The following FANCA variants were observed in gnomAD, a reference collection of about 807,000 sequenced individuals.
The protein encoded by FANCA is Fanconi anemia group A protein.
In FANCA, 236 loss-of-function variants were observed where a neutral mutation model predicts 194.3. The ratio of observed to expected loss-of-function variants is 1.21; its 90% CI spans 1.09 to 1.35. The LOEUF (loss-of-function observed/expected upper bound fraction) is 1.35. Among genes scored for constraint, FANCA ranks in the 40% most tolerant of loss-of-function variants. FANCA has a pLI of 0.00. For missense variants in FANCA, 2,628 were observed against 1,813.9 expected, an observed-to-expected ratio of 1.45 and a Z score of -8.15; for synonymous variants, 1,014 against 715.8, an observed-to-expected ratio of 1.42 and a Z score of -6.65.
intron 24 of FANCA, 72 bp downstream of exon 24, chr16:89,770,492 C>G: frequency 3.5e-6 from 5 of 1,410,164 alleles, no homozygotes; most frequent in Non-Finnish European, 4.9e-6. Flanking sequence ...AGTCCCTGGT[C>G]TGCAGACTTG....
Position 89,778,824 on chromosome 16 carries a change from C to T in FANCA, c.1803G>A (p.Val601=), listed in dbSNP as rs757053400. ...RVLPKVPDSR[V]AFIESLKRAD... is the part of the protein sequence containing the mutation. ...ACCTCTTCAGAGACTCTATAAACGC[C>T]ACACGGGAGTCAGGGACTTTGGGGA... The change falls in exon 20 of 43, where the codon GTG becomes GTA. Residue 601 remains valine, a synonymous_variant. Transcript: ENST00000389301. 1.6e-5 allele frequency: 26 copies of T among 1,613,886 alleles called. No individual in the cohort carries two copies. The highest frequency in any genetic ancestry group is 6.7e-5 in the Admixed American group (4 of 59,954).
chr16:89,742,532 G>C (rs1211958890), intron 37 of FANCA, among the ~76,000 whole-genome samples: 1 of 151,972 alleles, frequency 6.6e-6, no homozygotes, highest in Non-Finnish European at 1.5e-5. Context: ...CAAGCCAGCT[G>C]GGCGTGGTGG....
rs762137538 is a variant in FANCA at position 89,737,679 on chromosome 16, G to T, written c.*922C>A. 18 of 1,533,918 alleles carry T rather than the reference G, an allele frequency of 1.2e-5. No individual in the cohort carries two copies. Among genetic ancestry groups the T allele is most frequent in the Non-Finnish European group, 1.5e-5 (17 of 1,139,848 alleles). The stretch of plus-strand genomic sequence containing the variant: ...GAGGCCCTCATAGGCCCCTTGCTTG[G>T]GCCCACTGCATGGTGAACCATGTGC... On this transcript the variant is annotated 3_prime_UTR_variant, in exon 43 of 43. Coordinates refer to ENST00000389301, the MANE Select transcript of FANCA (RefSeq NM_000135.4).
At chr16:89,777,928 G>A (rs551298630) in intron 20 of FANCA, among the ~76,000 whole-genome samples, 6 of 152,098 alleles carry the variant, frequency 3.9e-5, no homozygotes, top group Non-Finnish European at 8.8e-5. Flanking sequence ...TTGGGAGGCC[G>A]AGGTGGGCAG....
At chr16:89,783,992 C>T (rs2039810701) in intron 15 of FANCA, among the ~76,000 whole-genome samples, 1 of 152,030 alleles carries the variant, frequency 6.6e-6, no homozygotes, top group South Asian at 2.1e-4. Context: ...AACTCCTGAC[C>T]TCAAGTGATC....
At chr16:89,814,497 G>C (rs764003902) in intron 3 of FANCA, 23 bp downstream of exon 3, 56 of 1,522,980 alleles carry the variant, frequency 3.7e-5, no homozygotes, top group Admixed American at 2.9e-4. Context: ...ATTCAAAATA[G>C]AGAAAATGAA....
rs184256938 is a variant in FANCA, at chr16:89,790,507, G to A, written c.1359+896C>T. Among the ~76,000 whole-genome samples the A allele has an allele frequency of 5.2e-3, 777 of 148,566 alleles. 6 individuals are homozygous for A. Among genetic ancestry groups the A allele is most frequent in the African/African-American group, 0.019 (752 of 39,410 alleles). On this transcript the variant is annotated intron_variant, in intron 14 of 42. Coordinates refer to ENST00000389301, the MANE Select transcript of FANCA (RefSeq NM_000135.4). ...GCACTTTGGGAGGACAAGACGGGCG[G>A]ATCATGAGGTCAGGAGTTAGAGACC... is the stretch of plus-strand genomic sequence containing the variant.
chr16:89,752,247 C>G, intron 30 of FANCA, 25 bp from the exon 31 acceptor site: 1 of 1,593,054 alleles, frequency 6.3e-7, no homozygotes, highest in Non-Finnish European at 8.6e-7. Flanking sequence ...CAATAAAATC[C>G]TCCTCAGTAT....
At chr16:89,785,003 G>T in intron 14 of FANCA, 39 bp from the exon 15 acceptor site, 1 of 1,490,802 alleles carries the variant, frequency 6.7e-7, no homozygotes, top group Non-Finnish European at 9.4e-7. Context: ...GGACAGCCAG[G>T]CGCGGCTGCA....
At chr16:89,772,183 A>G (rs1419607736) in intron 22 of FANCA, among the ~76,000 whole-genome samples, 1 of 152,238 alleles carries the variant, frequency 6.6e-6, no homozygotes, top group Non-Finnish European at 1.5e-5. Context: ...TGGGCCACAC[A>G]TAGCCCAACT....
intron 14 of FANCA, among the ~76,000 whole-genome samples, chr16:89,790,231 G>T (rs2040022564): frequency 6.6e-6 from 1 of 151,622 alleles, no homozygotes; most frequent in Non-Finnish European, 1.5e-5. Flanking sequence ...ATGAAACCCT[G>T]TCTCTACTAA....
intron 23 of FANCA, among the ~76,000 whole-genome samples, 172 bp downstream of exon 23, chr16:89,771,502 CACAA>C (rs759628059): frequency 6.6e-6 from 1 of 152,096 alleles, no homozygotes; most frequent in African/African-American, 2.4e-5. Flanking sequence ...GCTCTTCATA[CACAA>C]ACAGACTGTG....
At chr16:89,781,241 G>T (rs1283473081) in intron 17 of FANCA, among the ~76,000 whole-genome samples, 1 of 150,870 alleles carries the variant, frequency 6.6e-6, no homozygotes, top group Non-Finnish European at 1.5e-5. Context: ...GCGGGTGCCT[G>T]TAGTCCCAGC....
chr16:89,792,492 C>G lies in FANCA; in HGVS notation c.1062G>C (p.Leu354=). The change falls in exon 12 of 43, where the codon CTG becomes CTC. Residue 354 remains leucine (L), a synonymous_variant. Transcript: ENST00000389301. The stretch of plus-strand genomic sequence containing the variant: ...TCACCCTGCGGTACAGTGAGGTGAG[C>G]AGAGGGTGTGTCCGCGCAAAGCTCC... ...REWSFARTHP[L]LTSLYRRLFV... is the part of the protein sequence containing the mutation. 6.2e-7 allele frequency: 1 copy of G among 1,613,418 alleles called. No individual in the cohort carries two copies. The highest frequency in any genetic ancestry group is 8.5e-7 in the Non-Finnish European group (1 of 1,179,978).
chr16:89,738,771 G>A (rs756798736), intron 42 of FANCA, 63 bp from the exon 43 acceptor site: 4 of 1,612,394 alleles, frequency 2.5e-6, no homozygotes, highest in South Asian at 1.1e-5. Flanking sequence ...ACAGGGGAGG[G>A]GCTCTGGCAG....
chr16:89,799,141 A>AC (rs1361337352), intron 10 of FANCA, 25 bp downstream of exon 10: 1 of 1,614,214 alleles, frequency 6.2e-7, no homozygotes, highest in Admixed American at 1.7e-5. Flanking sequence ...CTGCACACTC[A>AC]GGCAGGCCAC....
At chr16:89,813,123 A>G (rs1378261028) in intron 3 of FANCA, among the ~76,000 whole-genome samples, 1 of 152,100 alleles carries the variant, frequency 6.6e-6, no homozygotes, top group Admixed American at 6.6e-5. Flanking sequence ...TCTCGGTAGA[A>G]AAGTAGACAG....
At chr16:89,752,805 T>A (rs539004450) in intron 30 of FANCA, among the ~76,000 whole-genome samples, 107 of 152,248 alleles carry the variant, frequency 7.0e-4, no homozygotes, top group African/African-American at 2.5e-3. Flanking sequence ...AAGACGCCCG[T>A]CACCAAGCGG....
chr16:89,746,577 G>T lies in FANCA; in HGVS notation c.3513+7C>A. 1.2e-6 allele frequency: 2 copies of T among 1,612,448 alleles called. No homozygotes were observed. Among genetic ancestry groups the T allele is most frequent in the South Asian group, 1.1e-5 (1 of 90,932 alleles). ...AAACAAAACACCAAACAAGACAGCTGACCCACCAGAGCAGAGGTCAAAATT... is the reference window on the plus strand; with the variant it reads ...AAACAAAACACCAAACAAGACAGCTTACCCACCAGAGCAGAGGTCAAAATT... On this transcript the variant is annotated splice_region_variant and intron_variant, in intron 35 of 42. Transcript: ENST00000389301.
Sources: allele counts gnomAD v4.1 joint callset (sites outside exome capture counted in the v4.1 genomes callset), GRCh38; gene constraint gnomAD v4.1.1; transcripts MANE v1.5; gene names NCBI Gene and HGNC (gene_info 2026-07-23, HGNC 2026-07-21).